F2RL2: variants seen among roughly 807,000 people sequenced by gnomAD.
F2RL2 encodes the protein coagulation factor II thrombin receptor like 2, also known as proteinase-activated receptor 3.
A neutral mutation model predicts 4.3 loss-of-function variants in F2RL2; 4 were observed. The ratio of observed to expected loss-of-function variants is 0.93; its 90% CI spans 0.46 to 2.12. The LOEUF is 2.12. F2RL2 is among the 30% of genes most tolerant of loss of function. The probability of loss-of-function intolerance (pLI) is 0.02; values close to 1 mark genes in which losing one functional copy is unlikely to be tolerated. For missense variants in F2RL2, 408 were observed against 449.3 expected (o/e 0.91, Z 0.83); for synonymous variants, 166 against 170.9 (o/e 0.97, Z 0.22).
intron 1 of F2RL2, among the ~76,000 whole-genome samples, chr5:76,618,925 G>GC (rs955835734): frequency 1.3e-5 from 2 of 152,158 alleles, no homozygotes; most frequent in Non-Finnish European, 1.5e-5. Flanking sequence ...AACATTATAG[G>GC]CATGTTGACT....
In F2RL2 at chr5:76,618,019, T is replaced by G. The variant is rs143031972; in HGVS notation, c.688A>C (p.Ile230Leu). Reference protein sequence around the residue: ...TVFLYMLPFFILKQEYYLVQP... With the variant: ...TVFLYMLPFFLLKQEYYLVQP... ...ACAAGATAATATTCCTGCTTCAGTA[T>G]GAAAAATGGCAGCATATATAAGAAA... The change falls in exon 2 of 2, where the codon ATA becomes CTA. Residue 230 changes from isoleucine to leucine, a missense_variant. Physicochemically the swap from Ile to Leu is conservative, Grantham distance 5. Transcript: ENST00000296641. The G allele has an allele frequency of 5.4e-4, 875 of 1,614,150 alleles. 6 individuals carry two copies. The African/African-American group carries it at 0.011, about 19-fold the overall frequency.
Position 76,618,381 on chromosome 5 carries a change from A to G in F2RL2, c.326T>C (p.Val109Ala), listed in dbSNP as rs746201602. 6.2e-7 allele frequency: 1 copy of G among 1,614,100 alleles called. No homozygotes were observed. The highest frequency in any genetic ancestry group is 1.7e-5 in the Admixed American group (1 of 60,006). Residue 109 changes from valine to alanine, a missense_variant, in exon 2 of 2, where the codon GTC becomes GCC. Val to Ala is a moderately conservative substitution (Grantham distance 64). Coordinates refer to ENST00000296641, the MANE Select transcript of F2RL2 (RefSeq NM_004101.4). ...AIYLLVFVVG[V>A]PANAVTLWML... ...CCACAGGGTCACAGCATTGGCCGGG[A>G]CACCAACTACAAACACCAGGAGGTA...
At position 76,616,239 on chromosome 5, in the gene F2RL2, A is replaced by G. The variant is rs1159751050; in HGVS notation, c.*1343T>C. Reference sequence around the variant, plus strand: ...ACACTTCTAGCCTGAGAATCAGGGAAGAATGGTCCTTCAAGGACTTGAAAA... The same window carrying G: ...ACACTTCTAGCCTGAGAATCAGGGAGGAATGGTCCTTCAAGGACTTGAAAA... On this transcript the variant is annotated 3_prime_UTR_variant, in exon 2 of 2. Coordinates refer to ENST00000296641, the MANE Select transcript of F2RL2 (RefSeq NM_004101.4). 1 of 152,304 alleles carries G rather than the reference A, an allele frequency of 6.6e-6. No homozygotes were observed. Among genetic ancestry groups the G allele is most frequent in the Non-Finnish European group, 1.5e-5 (1 of 68,042 alleles). The allele number at this position is 152,304 out of a possible 1,614,324, so 9.4% of individuals were successfully genotyped here.
At position 76,616,162 on chromosome 5, in the gene F2RL2, T is replaced by C. The variant is rs1047494; in HGVS notation, c.*1420A>G. Reference sequence around the variant, plus strand: ...TAAATATAAATGAACTATATATAAATGCCATAATAAAAATATACGAAAGTG... The same window carrying C: ...TAAATATAAATGAACTATATATAAACGCCATAATAAAAATATACGAAAGTG... On this transcript the variant is annotated 3_prime_UTR_variant, in exon 2 of 2. Transcript: ENST00000296641. The C allele has an allele frequency of 0.43, 65,734 of 152,232 alleles. 15,050 individuals are homozygous for C. Among genetic ancestry groups the C allele is most frequent in the Non-Finnish European group, 0.53 (35,698 of 67,964 alleles). 9.4% of individuals were successfully genotyped at this position (152,232 alleles called of 1,614,324 possible).
chr5:76,617,629 G>A lies in F2RL2; in HGVS notation c.1078C>T (p.Leu360Phe). The A allele has an allele frequency of 6.2e-7, 1 of 1,613,416 alleles. No homozygotes were observed. The highest frequency in any genetic ancestry group is 8.5e-7 in the Non-Finnish European group (1 of 1,179,826). ...GAGTGATTTCTGGTTTTTGACATGA[G>A]AAAATAAAGGAATGGATCTAAGCAA... is the stretch of plus-strand genomic sequence containing the variant. ...NSCLDPFLYF[L>F]MSKTRNHSTA... The change falls in exon 2 of 2, where the codon CTC becomes TTC. Residue 360 changes from leucine to phenylalanine, a missense_variant. Physicochemically the swap from Leu to Phe is conservative, Grantham distance 22. Coordinates refer to ENST00000296641, the MANE Select transcript of F2RL2 (RefSeq NM_004101.4).
At chr5:76,618,728 T>C in intron 1 of F2RL2, 86 bp from the exon 2 acceptor site, 1 of 1,184,194 alleles carries the variant, frequency 8.4e-7, no homozygotes, top group Non-Finnish European at 1.2e-6. Context: ...ATTTCTGTGA[T>C]TGTAGAATTT....
At chr5:76,621,117 C>T (rs921086312) in intron 1 of F2RL2, among the ~76,000 whole-genome samples, 1 of 152,138 alleles carries the variant, frequency 6.6e-6, no homozygotes, top group African/African-American at 2.4e-5. Flanking sequence ...CTCAAAATTC[C>T]TCCATATTGA....
In F2RL2 at chr5:76,616,686, C is replaced by CA. The variant is rs2150353124; in HGVS notation, c.*895dup. ...GGGCAACAGTGAGACTCCATCTCTG[C>CA]AAAAAATAAAAAATAAAATTAGTTG... On this transcript the variant is annotated 3_prime_UTR_variant, in exon 2 of 2. Coordinates refer to ENST00000296641, the MANE Select transcript of F2RL2 (RefSeq NM_004101.4). 6.6e-6 allele frequency: 1 copy of CA among 151,958 alleles called. No homozygotes were observed. The highest frequency in any genetic ancestry group is 2.1e-4 in the South Asian group (1 of 4,780). 9.4% of individuals were successfully genotyped at this position (151,958 alleles called of 1,614,324 possible). A position where few individuals can be genotyped will look rare whatever the true frequency, so the allele number is the denominator to read the frequency against.
intron 1 of F2RL2, among the ~76,000 whole-genome samples, chr5:76,621,170 C>T (rs1337049868): frequency 6.6e-6 from 1 of 152,114 alleles, no homozygotes; most frequent in Non-Finnish European, 1.5e-5. Context: ...TCATTCAGAG[C>T]CAGTTTCTCT....
rs1034162332 is a variant in F2RL2, at chr5:76,623,290, A to G, written c.-60T>C. 2 of 1,583,484 alleles carry G rather than the reference A, an allele frequency of 1.3e-6. No homozygotes were observed. The highest frequency in any genetic ancestry group is 1.7e-4 in the Middle Eastern group (1 of 5,994). On this transcript the variant is annotated 5_prime_UTR_variant, in exon 1 of 2. Coordinates refer to ENST00000296641, the MANE Select transcript of F2RL2 (RefSeq NM_004101.4). ...GAAATCTGTAAAATCATGGAGCACA[A>G]TTTCACCTCAGTTCCATGTGTCAGC...
intron 1 of F2RL2, among the ~76,000 whole-genome samples, chr5:76,619,294 C>A (rs746979742): frequency 6.6e-6 from 1 of 152,048 alleles, no homozygotes; most frequent in Non-Finnish European, 1.5e-5. Flanking sequence ...GAGTGGGTGA[C>A]AGCTAAATTC....
rs1749072476 is a variant in F2RL2 at position 76,617,283 on chromosome 5, A to G, written c.*299T>C. 1 of 246,980 alleles carries G rather than the reference A, an allele frequency of 4.0e-6. No individual in the cohort carries two copies. The highest frequency in any genetic ancestry group is 7.9e-6 in the Non-Finnish European group (1 of 126,430). 15.3% of individuals were successfully genotyped at this position (246,980 alleles called of 1,614,324 possible). A position where few individuals can be genotyped will look rare whatever the true frequency, so the allele number is the denominator to read the frequency against. On this transcript the variant is annotated 3_prime_UTR_variant, in exon 2 of 2. Transcript: ENST00000296641. ...AACATGGTGAAACCCCGTCTCTACT[A>G]AAAATACAAGTATTTTTAGTAGCTG...
intron 1 of F2RL2, 88 bp from the exon 2 acceptor site, chr5:76,618,730 G>C: frequency 2.6e-6 from 3 of 1,173,698 alleles, no homozygotes; most frequent in South Asian, 3.1e-5. Context: ...TTCTGTGATT[G>C]TAGAATTTAA....
chr5:76,622,884 CG>C (rs1670063186), intron 1 of F2RL2, among the ~76,000 whole-genome samples: 1 of 152,238 alleles, frequency 6.6e-6, no homozygotes, highest in East Asian at 1.9e-4. Flanking sequence ...AACACAAAAA[CG>C]ACTTTCAAAA....
At chr5:76,622,768 C>G (rs1251088031) in intron 1 of F2RL2, among the ~76,000 whole-genome samples, 1 of 152,172 alleles carries the variant, frequency 6.6e-6, no homozygotes, top group African/African-American at 2.4e-5. Flanking sequence ...TGGCAGTATT[C>G]TTGTTTCTCC....
chr5:76,622,008 C>T (rs1400180213), intron 1 of F2RL2, among the ~76,000 whole-genome samples: 1 of 152,100 alleles, frequency 6.6e-6, no homozygotes, highest in Admixed American at 6.5e-5. Flanking sequence ...CCTCTAGAGA[C>T]AGAAACTAAA....
rs1749118729 is a variant in F2RL2 at position 76,617,682 on chromosome 5, A to G, written c.1025T>C (p.Ile342Thr). Reference protein sequence around the residue: ...NTDGLYFIYLIALCLGSLNSC... With the variant: ...NTDGLYFIYLTALCLGSLNSC... ...ATTAAGACTACCCAGGCACAAAGCT[A>G]TGAGATATATAAAATATAAGCCATC... Residue 342 changes from isoleucine (I) to threonine (T), a missense_variant, in exon 2 of 2, where the codon ATA becomes ACA. Transcript: ENST00000296641. 1 of 1,614,132 alleles carries G rather than the reference A, an allele frequency of 6.2e-7. No homozygotes were observed. The highest frequency in any genetic ancestry group is 8.5e-7 in the Non-Finnish European group (1 of 1,180,000).
chr5:76,621,766 G>A (rs1179505663), intron 1 of F2RL2, among the ~76,000 whole-genome samples: 4 of 152,068 alleles, frequency 2.6e-5, no homozygotes, highest in African/African-American at 9.7e-5. Flanking sequence ...CTTATGAATT[G>A]TACTCATTGT....
chr5:76,620,152 G>A lies in F2RL2; in HGVS notation c.65-1510C>T, dbSNP rs548067939. Among the ~76,000 whole-genome samples the A allele has an allele frequency of 1.4e-4, 21 of 152,282 alleles. 1 individual carries two copies. In the South Asian group the frequency reaches 4.4e-3, roughly 32 times the overall value. On this transcript the variant is annotated intron_variant, in intron 1 of 1. Transcript: ENST00000296641. ...TAATGATTTGATATAGCAGCAGTAGGAAACGAATATAGCCGTTATTTTGAC... is the reference window on the plus strand; with the variant it reads ...TAATGATTTGATATAGCAGCAGTAGAAAACGAATATAGCCGTTATTTTGAC...
Sources: allele counts gnomAD v4.1 joint callset (sites outside exome capture counted in the v4.1 genomes callset), GRCh38; gene constraint gnomAD v4.1.1; transcripts MANE v1.5; gene names NCBI Gene and HGNC (gene_info 2026-07-23, HGNC 2026-07-21).